DENND2B: variants seen among roughly 807,000 people sequenced by gnomAD.
DENND2B encodes the protein DENN domain-containing protein 2B.
A neutral mutation model predicts 116.0 loss-of-function variants in DENND2B; 32 were observed. The ratio of observed to expected loss-of-function variants is 0.28; its 90% CI spans 0.21 to 0.37. DENND2B has a LOEUF of 0.37. Ranked by LOEUF, DENND2B falls within the 10% of genes least tolerant of loss-of-function variation. DENND2B has a pLI of 1.00. For missense variants in DENND2B, 1,276 were observed against 1,477.7 expected (o/e 0.86, Z 2.24); for synonymous variants, 588 against 583.9 (o/e 1.01, Z -0.10).
intron 1 of DENND2B, among the ~76,000 whole-genome samples, chr11:8,791,542 G>A (rs1157431782): frequency 1.3e-5 from 2 of 151,956 alleles, no homozygotes; most frequent in Non-Finnish European, 2.9e-5. Context: ...CGAGGCAGGC[G>A]GATCGCTCAA....
intron 1 of DENND2B, among the ~76,000 whole-genome samples, chr11:8,772,837 C>T (rs2134194422): frequency 6.6e-6 from 1 of 152,140 alleles, no homozygotes; most frequent in African/African-American, 2.4e-5. Flanking sequence ...CCTGCCTTTC[C>T]AGGGGTGAGT....
chr11:8,707,217 A>G lies in DENND2B; in HGVS notation c.2439T>C (p.Asp813=), dbSNP rs2042754803. The part of the protein sequence containing the change: ...GCFGLFSKVL[D]EVERRRGISA... ...AGATCCCACGCCGGCGCTCCACCTCATCTAGGACCTGTGCCCACCGCCAGC... is the reference window on the plus strand; with the variant it reads ...AGATCCCACGCCGGCGCTCCACCTCGTCTAGGACCTGTGCCCACCGCCAGC... Residue 813 remains aspartate, a synonymous_variant, in exon 13 of 20, where the codon GAT becomes GAC. Transcript: ENST00000313726. The surrounding 1 kb of genome is among the most constrained non-coding windows in gnomAD (Gnocchi z 4.8). 4 of 1,611,426 alleles carry G rather than the reference A, an allele frequency of 2.5e-6. No homozygotes were observed. The highest frequency in any genetic ancestry group is 3.4e-6 in the Non-Finnish European group (4 of 1,178,516).
chr11:8,718,165 G>A (rs1000765546), intron 4 of DENND2B: 4 of 617,272 alleles, frequency 6.5e-6, no homozygotes, highest in African/African-American at 1.9e-5. Flanking sequence ...TAAATTCAGG[G>A]ATTGCACAAG....
At chr11:8,776,992 C>T (rs556370403) in intron 1 of DENND2B, among the ~76,000 whole-genome samples, 98 of 152,286 alleles carry the variant, frequency 6.4e-4, no homozygotes, top group African/African-American at 2.2e-3. Flanking sequence ...AGGAGTAACT[C>T]CACCCTTCCC....
At chr11:8,889,987 C>T (rs554285552) in intron 1 of DENND2B, among the ~76,000 whole-genome samples, 6 of 152,276 alleles carry the variant, frequency 3.9e-5, no homozygotes, top group Admixed American at 3.3e-4. Context: ...CTGGGAGGCA[C>T]CCCCCAGTAG....
At chr11:8,768,402 A>G (rs1264375242) in intron 1 of DENND2B, among the ~76,000 whole-genome samples, 1 of 152,022 alleles carries the variant, frequency 6.6e-6, no homozygotes, top group Non-Finnish European at 1.5e-5. Flanking sequence ...GCATGTAACC[A>G]TAGCCAGCTA....
chr11:8,853,155 G>C (rs1307402820), intron 3 of DENND2B, among the ~76,000 whole-genome samples: 1 of 152,150 alleles, frequency 6.6e-6, no homozygotes, highest in Admixed American at 6.5e-5. Flanking sequence ...CCTGAGGTCA[G>C]AAGTTCGAGA....
intron 1 of DENND2B, chr11:8,776,678 T>C (rs1464539003): frequency 4.0e-5 from 7 of 176,140 alleles, no homozygotes; most frequent in Non-Finnish European, 7.4e-5. Flanking sequence ...TGGCTTAGAA[T>C]ATATTCTATT....
At chr11:8,801,799 G>A (rs1297567553) in intron 1 of DENND2B, among the ~76,000 whole-genome samples, 2 of 150,892 alleles carry the variant, frequency 1.3e-5, no homozygotes, top group African/African-American at 2.4e-5. Flanking sequence ...AGCTCAGTTC[G>A]AGACCAGCCT....
In DENND2B at chr11:8,730,922, T is replaced by C. The variant is rs549606440; in HGVS notation, c.368A>G (p.Gln123Arg). The change falls in exon 3 of 20, where the codon CAG becomes CGG. Residue 123 changes from glutamine (Q) to arginine (R), a missense_variant. By Grantham distance (43) the Gln-to-Arg change is conservative. This residue lies in a region of DENND2B where 856 missense variants were observed against 846.6 expected (regional missense o/e 1.01). Transcript: ENST00000313726. This position sits in a 1 kb window ranked among gnomAD's most constrained non-coding sequence, Gnocchi z 4.1. ...AQKESVQGAA[Q>R]DVAGVAACLP... ...GCAGGCAGCGACCCCTGCTACATCC[T>C]GGGCTGCGCCTTGGACACTTTCCTT... 1.2e-6 allele frequency: 2 copies of C among 1,614,202 alleles called. No individual in the cohort carries two copies. The highest frequency in any genetic ancestry group is 1.1e-5 in the South Asian group (1 of 91,090).
Position 8,730,074 on chromosome 11 carries a change from G to T in DENND2B, c.1216C>A (p.Pro406Thr), listed in dbSNP as rs1300604844. 6.2e-7 allele frequency: 1 copy of T among 1,614,204 alleles called. No individual in the cohort carries two copies. Among genetic ancestry groups the T allele is most frequent in the South Asian group, 1.1e-5 (1 of 91,082 alleles). Residue 406 changes from proline to threonine, a missense_variant, in exon 3 of 20, where the codon CCC (proline) becomes ACC (threonine). Physicochemically the swap from Pro to Thr is conservative, Grantham distance 38 (BLOSUM62 -1). This residue lies in a region of DENND2B where 856 missense variants were observed against 846.6 expected (regional missense o/e 1.01). Coordinates refer to ENST00000313726, the MANE Select transcript of DENND2B (RefSeq NM_213618.2). This position sits in a 1 kb window ranked among gnomAD's most constrained non-coding sequence, Gnocchi z 4.1. ...GGTGAAGGAGGTAGACCATTACTGG[G>T]CTTACTCTTGGGGTTCTTGTCAGCC... ...YEADKNPKSK[P>T]SNGLPPSPTP...
chr11:8,797,983 G>A (rs1323290121), intron 1 of DENND2B, among the ~76,000 whole-genome samples: 4 of 152,152 alleles, frequency 2.6e-5, no homozygotes, highest in Non-Finnish European at 5.9e-5. Context: ...CCCCAAATCT[G>A]CACATTAACG....
At chr11:8,697,924 G>A in intron 16 of DENND2B, 1 of 500,454 alleles carries the variant, frequency 2.0e-6, no homozygotes, top group Non-Finnish European at 3.8e-6. Flanking sequence ...GCCCAGGAGG[G>A]AGTTCGAGAC....
chr11:8,769,348 G>A (rs1296671137), intron 1 of DENND2B, among the ~76,000 whole-genome samples: 1 of 150,502 alleles, frequency 6.6e-6, no homozygotes, highest in Admixed American at 6.6e-5. Flanking sequence ...AGTGATTCTC[G>A]TGCCTCAGCC....
At chr11:8,883,398 G>T (rs536687138) in intron 1 of DENND2B, among the ~76,000 whole-genome samples, 1 of 152,340 alleles carries the variant, frequency 6.6e-6, no homozygotes, top group South Asian at 2.1e-4. Flanking sequence ...GAAGCTGAAT[G>T]AAGAATGTTC....
At chr11:8,827,023 A>G (rs750963391) in intron 4 of DENND2B, among the ~76,000 whole-genome samples, 3 of 152,172 alleles carry the variant, frequency 2.0e-5, no homozygotes, top group Non-Finnish European at 4.4e-5. Flanking sequence ...AAACAGGAGG[A>G]AGCTTGTTTG....
chr11:8,699,675 GT>G (rs2041140895), intron 14 of DENND2B, among the ~76,000 whole-genome samples: 1 of 152,208 alleles, frequency 6.6e-6, no homozygotes, highest in Non-Finnish European at 1.5e-5. Context: ...GCTGTCTCGG[GT>G]TTGGGGGGCA....
intron 3 of DENND2B, among the ~76,000 whole-genome samples, chr11:8,847,096 T>C (rs575716632): frequency 6.6e-6 from 1 of 152,364 alleles, no homozygotes; most frequent in South Asian, 2.1e-4. Flanking sequence ...GGCTTCACAC[T>C]TGCTAACCAC....
chr11:8,793,882 T>A (rs1002780726), intron 1 of DENND2B, among the ~76,000 whole-genome samples: 1 of 152,208 alleles, frequency 6.6e-6, no homozygotes, highest in Non-Finnish European at 1.5e-5. Flanking sequence ...TCCATTTTTT[T>A]AAATTAAGAG....
Sources: gnomAD v4.1 joint callset for allele counts (sites outside exome capture counted in the v4.1 genomes callset) on GRCh38, gnomAD v4.1.1 for gene constraint, gnomAD v4.1.1 regional missense constraint, Gnocchi (gnomAD v3.1) non-coding constraint, MANE v1.5 for transcripts, NCBI Gene and HGNC (gene_info 2026-07-23, HGNC 2026-07-21) for gene names.